Variants in MDN1 observed in about 807,000 individuals in gnomAD.
MDN1 encodes midasin AAA ATPase 1, also known as midasin.
A neutral mutation model predicts 669.2 loss-of-function variants in MDN1; 266 were observed. The ratio of observed to expected loss-of-function variants is 0.40; its 90% CI spans 0.36 to 0.44. The LOEUF (loss-of-function observed/expected upper bound fraction) is 0.44. MDN1 is among the 20% of genes least tolerant of loss of function. The pLI is 1.00. For synonymous variants in MDN1, 2,385 were observed against 2,457.1 expected (o/e 0.97, Z 0.87); for missense variants, 5,940 against 6,754.0 (o/e 0.88, Z 4.22).
In MDN1 at chr6:89,661,476, C is replaced by G. The variant is rs779953561; in HGVS notation, c.14668G>C (p.Glu4890Gln). Residue 4890 changes from glutamate to glutamine, a missense_variant, in exon 88 of 102, where the codon GAA (glutamate) becomes CAA (glutamine). Coordinates refer to ENST00000369393, the MANE Select transcript of MDN1 (RefSeq NM_014611.3). ...DLPDDLNLDS[E>Q]DKNGGEDTDN... is the part of the protein sequence containing the mutation. ...GTGTCCTCACCACCATTCTTGTCTTCACTGTCGAGGTTCAAGTCATCTGGA... is the reference window on the plus strand; with the variant it reads ...GTGTCCTCACCACCATTCTTGTCTTGACTGTCGAGGTTCAAGTCATCTGGA... The G allele has an allele frequency of 1.9e-5, 30 of 1,614,050 alleles. No homozygotes were observed. The Middle Eastern group carries it at 1.2e-3, about 62-fold the overall frequency.
intron 20 of MDN1, among the ~76,000 whole-genome samples, chr6:89,755,923 T>C (rs773227024): frequency 2.0e-5 from 3 of 152,224 alleles, no homozygotes; most frequent in South Asian, 2.1e-4. Context: ...ATAGCTAGTA[T>C]AAATATTGCA....
Position 89,708,024 on chromosome 6 carries a change from G to T in MDN1, c.7898+472C>A, listed in dbSNP as rs370189289. 6.6e-5 allele frequency among the ~76,000 whole-genome samples: 10 copies of T among 152,124 alleles called. No homozygotes were observed. In the East Asian group the frequency reaches 1.9e-3, roughly 29 times the overall value. ...CTGGGAATCAAACAAAAACCAGGCT[G>T]GGCACAGTGGCTCACACCTATAACC... On this transcript the variant is annotated intron_variant, in intron 51 of 101. Transcript: ENST00000369393.
intron 15 of MDN1, among the ~76,000 whole-genome samples, chr6:89,770,496 C>T (rs528287098): frequency 2.6e-5 from 4 of 151,930 alleles, no homozygotes; most frequent in Admixed American, 2.0e-4. Flanking sequence ...AACAGATTGC[C>T]AAGTTCCTCA....
Position 89,785,156 on chromosome 6 carries a change from A to T in MDN1, c.1335-30T>A, listed in dbSNP as rs376735924. 7.3e-6 allele frequency: 11 copies of T among 1,511,968 alleles called. No individual in the cohort carries two copies. The African/African-American group carries it at 1.5e-4, about 21-fold the overall frequency. The allele number at this position is 1,511,968 out of a possible 1,614,324, so 93.7% of individuals were successfully genotyped here. On this transcript the variant is annotated intron_variant, in intron 8 of 101. Transcript: ENST00000369393. The stretch of plus-strand genomic sequence containing the variant: ...GTTTCAAAATAAAAAACACAGTCAC[A>T]CAAAATTCCAAATTTTAATCCTGAA...
intron 94 of MDN1, among the ~76,000 whole-genome samples, chr6:89,652,647 A>T (rs1808959958): frequency 6.6e-6 from 1 of 152,226 alleles, no homozygotes; most frequent in African/African-American, 2.4e-5. Flanking sequence ...CACTAAGCCA[A>T]AGATTTTTTA....
rs12191172 is a variant in MDN1 at position 89,756,402 on chromosome 6, T to C, written c.2703-12A>G. On this transcript the variant is annotated splice_polypyrimidine_tract_variant and intron_variant, in intron 19 of 101. Transcript: ENST00000369393. ...AAAGTTCTGTGAACCTGTAAAACAATACATAATAAACACTTTTTAGGAAGT... is the reference window on the plus strand; with the variant it reads ...AAAGTTCTGTGAACCTGTAAAACAACACATAATAAACACTTTTTAGGAAGT... 200,916 of 1,303,096 alleles carry C rather than the reference T, an allele frequency of 0.15. 16,824 individuals are homozygous for C. Among genetic ancestry groups the C allele is most frequent in the Middle Eastern group, 0.24 (1,284 of 5,348 alleles). The allele number at this position is 1,303,096 out of a possible 1,614,324, so 80.7% of individuals were successfully genotyped here.
intron 1 of MDN1, among the ~76,000 whole-genome samples, chr6:89,806,678 A>G (rs1330926322): frequency 6.6e-6 from 1 of 152,102 alleles, no homozygotes; most frequent in African/African-American, 2.4e-5. Context: ...AGAATGCACC[A>G]CTGCACTCCA....
intron 70 of MDN1, 108 bp downstream of exon 70, chr6:89,685,719 C>G: frequency 1.7e-6 from 2 of 1,190,788 alleles, no homozygotes; most frequent in Non-Finnish European, 2.3e-6. Flanking sequence ...CTAAATGTGT[C>G]TTGTTTAAAA....
At position 89,643,256 on chromosome 6, in the gene MDN1, A is replaced by T. The variant is rs1262815819; in HGVS notation, c.*749T>A. 1.3e-5 allele frequency: 2 copies of T among 152,058 alleles called. No individual in the cohort carries two copies. The highest frequency in any genetic ancestry group is 2.9e-5 in the Non-Finnish European group (2 of 68,022). The allele number at this position is 152,058 out of a possible 1,614,324, so 9.4% of individuals were successfully genotyped here. A position where few individuals can be genotyped will look rare whatever the true frequency, so the allele number is the denominator to read the frequency against. Reference sequence around the variant, plus strand: ...ATGAACTAAACAAATAAATTACTACAACAACAGGGACCATGGCACTGAATG... The same window carrying T: ...ATGAACTAAACAAATAAATTACTACTACAACAGGGACCATGGCACTGAATG... On this transcript the variant is annotated 3_prime_UTR_variant, in exon 102 of 102. Coordinates refer to ENST00000369393, the MANE Select transcript of MDN1 (RefSeq NM_014611.3).
Position 89,686,882 on chromosome 6 carries a change from A to C in MDN1, c.11572+20T>G, listed in dbSNP as rs779203800. 6.2e-7 allele frequency: 1 copy of C among 1,612,868 alleles called. No homozygotes were observed. Among genetic ancestry groups the C allele is most frequent in the Non-Finnish European group, 8.5e-7 (1 of 1,179,564 alleles). On this transcript the variant is annotated intron_variant, in intron 69 of 101. Coordinates refer to ENST00000369393, the MANE Select transcript of MDN1 (RefSeq NM_014611.3). ...GCCGGGAAGCTCTAAGTGGGCAGGA[A>C]ATGTACTGCTAGGCATTACCTTCCT...
chr6:89,673,132 A>C lies in MDN1; in HGVS notation c.13474+104T>G, dbSNP rs188414513. ...CTGCCTCAGAACCCTGGACAGGTAC[A>C]TGTAGACCAAAATATAATGTGTCTT... is the stretch of plus-strand genomic sequence containing the variant. On this transcript the variant is annotated intron_variant, in intron 80 of 101. Transcript: ENST00000369393. 3.5e-3 allele frequency: 3,661 copies of C among 1,033,802 alleles called. 11 individuals carry two copies. Among genetic ancestry groups the C allele is most frequent in the Non-Finnish European group, 4.4e-3 (3,043 of 686,790 alleles). The allele number at this position is 1,033,802 out of a possible 1,614,324, so 64.0% of individuals were successfully genotyped here. A position where few individuals can be genotyped will look rare whatever the true frequency, so the allele number is the denominator to read the frequency against.
chr6:89,671,614 G>C (rs763395548), intron 82 of MDN1, among the ~76,000 whole-genome samples: 10 of 152,120 alleles, frequency 6.6e-5, no homozygotes, highest in Non-Finnish European at 1.2e-4. Flanking sequence ...AGCCCAGGAG[G>C]TCAAGGCTAC....
rs1814034928 is a variant in MDN1 at position 89,712,749 on chromosome 6, AAAG to A, written c.7253_7255del (p.Ser2418del). 2 of 1,614,226 alleles carry A rather than the reference AAAG, an allele frequency of 1.2e-6. No individual in the cohort carries two copies. Among genetic ancestry groups the A allele is most frequent in the African/African-American group, 1.3e-5 (1 of 75,066 alleles). ...GTCTCCCCAGGTTTCATGTGCTCGC[AAAG>A]AAGAAACATGTTTCTCCAGTAAAGC... On this transcript the variant is annotated inframe_deletion, in exon 48 of 102. Coordinates refer to ENST00000369393, the MANE Select transcript of MDN1 (RefSeq NM_014611.3).
chr6:89,780,641 C>CTTTT (rs575664748), intron 10 of MDN1, among the ~76,000 whole-genome samples: 5 of 131,212 alleles, frequency 3.8e-5, no homozygotes, highest in South Asian at 2.3e-4. Flanking sequence ...ATGCCATTTC[C>CTTTT]TTTTTTTTTT....
Position 89,730,923 on chromosome 6 carries a change from C to G in MDN1, c.4943G>C (p.Gly1648Ala), listed in dbSNP as rs1306225416. 7 of 1,613,254 alleles carry G rather than the reference C, an allele frequency of 4.3e-6. No individual in the cohort carries two copies. Among genetic ancestry groups the G allele is most frequent in the Non-Finnish European group, 5.9e-6 (7 of 1,179,676 alleles). ...TGTACCAAACCCAGAGGAAGTTACCCCTAAAAGACAGAGGATCAGTCCATG... is the reference window on the plus strand; with the variant it reads ...TGTACCAAACCCAGAGGAAGTTACCGCTAAAAGACAGAGGATCAGTCCATG... ...CLVYIDGIGS[G>A]VTSSGFGTAL... Residue 1648 changes from glycine to alanine, a missense_variant and splice_region_variant, in exon 35 of 102, where the codon GGG (glycine) becomes GCG (alanine). Transcript: ENST00000369393.
intron 44 of MDN1, 57 bp from the exon 45 acceptor site, chr6:89,715,826 T>C: frequency 1.8e-6 from 2 of 1,135,454 alleles, no homozygotes; most frequent in South Asian, 2.5e-5. Context: ...GACTCTTCTT[T>C]CCTTCCATGC....
intron 25 of MDN1, 44 bp from the exon 26 acceptor site, chr6:89,749,413 T>C: frequency 1.9e-6 from 3 of 1,604,752 alleles, no homozygotes; most frequent in Non-Finnish European, 2.6e-6. Context: ...TGCCTTTTAA[T>C]TTCCAATATG....
chr6:89,693,212 T>A, intron 62 of MDN1, 64 bp from the exon 63 acceptor site: 1 of 1,209,078 alleles, frequency 8.3e-7, no homozygotes, highest in Non-Finnish European at 1.2e-6. Context: ...CTAGATTGGA[T>A]CCTCAGCTAG....
chr6:89,699,398 C>A (rs1196502668), intron 58 of MDN1, among the ~76,000 whole-genome samples: 4 of 152,100 alleles, frequency 2.6e-5, no homozygotes, highest in African/African-American at 9.7e-5. Flanking sequence ...AATGAATACT[C>A]CTGTGATAAG....
Sources: gnomAD v4.1 joint callset for allele counts (sites outside exome capture counted in the v4.1 genomes callset) on GRCh38, gnomAD v4.1.1 for gene constraint, MANE v1.5 for transcripts, NCBI Gene and HGNC (gene_info 2026-07-23, HGNC 2026-07-21) for gene names.